Variants in TRAK1 observed in about 807,000 individuals in gnomAD.
The protein encoded by TRAK1 is trafficking kinesin protein 1, also known as trafficking kinesin-binding protein 1.
Under a neutral mutation model 92.1 loss-of-function variants are expected in TRAK1, and 33 were observed. The observed-to-expected ratio is 0.36, with a 90% CI of 0.27 to 0.48. The LOEUF is 0.48. Among genes scored for constraint, TRAK1 ranks in the 20% least tolerant of loss-of-function variants. The pLI is 0.99. For synonymous variants in TRAK1, 521 were observed against 517.3 expected, an observed-to-expected ratio of 1.01 and a Z score of -0.10; for missense variants, 1,123 against 1,257.9, an observed-to-expected ratio of 0.89 and a Z score of 1.62.
At chr3:42,145,526 C>A in intron 2 of TRAK1, 1 of 151,012 alleles carries the variant, frequency 6.6e-6, no homozygotes. Flanking sequence ...GAACAAAGAT[C>A]TTTGATATGA....
At chr3:42,074,171 C>T (rs990754492) in intron 1 of TRAK1, among the ~76,000 whole-genome samples, 2 of 152,226 alleles carry the variant, frequency 1.3e-5, no homozygotes, top group East Asian at 1.9e-4. Context: ...AAGCTAGACT[C>T]GCATCCTAGG....
At chr3:42,185,973 C>CTTTTTTTTTTTTTTTTT (rs1054954407) in intron 4 of TRAK1, among the ~76,000 whole-genome samples, 1 of 83,964 alleles carries the variant, frequency 1.2e-5, no homozygotes, top group African/African-American at 5.4e-5. Context: ...TGTGCCCAGC[C>CTTTTTTTTTTTTTTTTT]TTTTTTTTTT....
At chr3:42,060,636 T>G (rs1703391774) in intron 1 of TRAK1, among the ~76,000 whole-genome samples, 3 of 150,586 alleles carry the variant, frequency 2.0e-5, no homozygotes, top group Non-Finnish European at 4.4e-5. Flanking sequence ...TTTTTTTTTT[T>G]TTTTTTTTGA....
chr3:42,180,096 GT>G lies in TRAK1; in HGVS notation c.363+3213del, dbSNP rs1303242096. On this transcript the variant is annotated intron_variant, in intron 3 of 15. Transcript: ENST00000327628. ...CATATTTTGGCTAGAGAAATGGGAG[GT>G]TTTTTTCATTCTTATAATTCTCAAA... is the stretch of plus-strand genomic sequence containing the variant. Among the ~76,000 whole-genome samples the G allele has an allele frequency of 3.9e-5, 6 of 151,938 alleles. No individual in the cohort carries two copies. In the East Asian group the frequency reaches 7.7e-4, roughly 20 times the overall value.
At chr3:42,070,342 A>G (rs1703883510) in intron 1 of TRAK1, among the ~76,000 whole-genome samples, 1 of 150,866 alleles carries the variant, frequency 6.6e-6, no homozygotes, top group Non-Finnish European at 1.5e-5. Context: ...AGATAACATG[A>G]TAGTATCTCA....
At chr3:42,112,252 A>G (rs1293191796) in intron 1 of TRAK1, among the ~76,000 whole-genome samples, 1 of 144,196 alleles carries the variant, frequency 6.9e-6, no homozygotes, top group African/African-American at 2.6e-5. Context: ...AGAGTTCGAT[A>G]CTAGCCTGGC....
At chr3:42,163,049 G>A (rs115921095) in intron 2 of TRAK1, among the ~76,000 whole-genome samples, 2,131 of 152,288 alleles carry the variant, frequency 0.014, 25 homozygotes, top group Non-Finnish European at 0.022. Context: ...GTGGATTCAT[G>A]CATTGAACCT....
In TRAK1 at chr3:42,200,870, C is replaced by G; in HGVS notation, c.1243C>G (p.Gln415Glu). The change falls in exon 12 of 16, where the codon CAG (glutamine) becomes GAG (glutamate). Residue 415 changes from glutamine (Q) to glutamate (E), a missense_variant. Transcript: ENST00000327628. The part of the protein sequence containing the change: ...TVRNINQVVK[Q>E]RSLTPSPMNI... ...AAGAAACATCAACCAGGTTGTCAAG[C>G]AGAGATCTCTGACCCCTTCTCCCAT... The G allele has an allele frequency of 1.2e-6, 2 of 1,614,202 alleles. No homozygotes were observed. The highest frequency in any genetic ancestry group is 1.7e-6 in the Non-Finnish European group (2 of 1,180,036).
intron 1 of TRAK1, among the ~76,000 whole-genome samples, chr3:42,061,241 G>A (rs957312390): frequency 6.6e-6 from 1 of 151,190 alleles, no homozygotes; most frequent in Non-Finnish European, 1.5e-5. Context: ...CAAGTGATGG[G>A]TGTGTGTCTA....
At chr3:42,180,611 T>A (rs1703864217) in intron 3 of TRAK1, among the ~76,000 whole-genome samples, 2 of 147,790 alleles carry the variant, frequency 1.4e-5, no homozygotes, top group South Asian at 4.2e-4. Flanking sequence ...CCCAGGAGTT[T>A]GAGGCTATGG....
chr3:42,112,912 AGG>A (rs1484515383), intron 1 of TRAK1, among the ~76,000 whole-genome samples: 1 of 152,042 alleles, frequency 6.6e-6, no homozygotes, highest in African/African-American at 2.4e-5. Context: ...CTGGGGCTAC[AGG>A]TGTGTGCCAC....
intron 15 of TRAK1, among the ~76,000 whole-genome samples, chr3:42,220,026 C>T (rs755492162): frequency 1.3e-5 from 2 of 152,032 alleles, no homozygotes; most frequent in Non-Finnish European, 2.9e-5. Flanking sequence ...CTAGGCCGCT[C>T]CTTAACCAGC....
chr3:42,051,147 G>C (rs1325760263), intron 1 of TRAK1: 1 of 152,252 alleles, frequency 6.6e-6, no homozygotes, highest in Non-Finnish European at 1.5e-5. Context: ...GGGATTATGG[G>C]CTTGAGCTGC....
At chr3:42,199,874 A>T (rs918246098) in intron 11 of TRAK1, among the ~76,000 whole-genome samples, 2 of 152,376 alleles carry the variant, frequency 1.3e-5, no homozygotes, top group East Asian at 3.9e-4. Flanking sequence ...TTGTCTTGAT[A>T]TAGCTACACG....
intron 1 of TRAK1, among the ~76,000 whole-genome samples, chr3:42,041,085 T>C (rs1479302076): frequency 6.6e-6 from 1 of 151,088 alleles, no homozygotes; most frequent in Non-Finnish European, 1.5e-5. Context: ...TTGGCTATTC[T>C]AGTTTCCTTA....
chr3:42,061,280 C>T (rs1395577897), intron 1 of TRAK1, among the ~76,000 whole-genome samples: 1 of 150,416 alleles, frequency 6.6e-6, no homozygotes, highest in Non-Finnish European at 1.5e-5. Flanking sequence ...TGCACACACC[C>T]ACCCACACAC....
chr3:42,151,375 T>G, intron 2 of TRAK1: 1 of 456,668 alleles, frequency 2.2e-6, no homozygotes, highest in Non-Finnish European at 4.4e-6. Flanking sequence ...GAGACCCTGA[T>G]CTGTCTTCCT....
chr3:42,127,307 C>T (rs1710701346), intron 2 of TRAK1, among the ~76,000 whole-genome samples: 2 of 151,300 alleles, frequency 1.3e-5, no homozygotes, highest in Non-Finnish European at 2.9e-5. Context: ...CCTATCATGG[C>T]CATTTCTCTC....
At chr3:42,197,606 G>A (rs1706938931) in intron 10 of TRAK1, among the ~76,000 whole-genome samples, 1 of 152,172 alleles carries the variant, frequency 6.6e-6, no homozygotes, top group African/African-American at 2.4e-5. Context: ...GTGAATAACA[G>A]TATTAAAAAA....
Sources: allele counts gnomAD v4.1 joint callset (sites outside exome capture counted in the v4.1 genomes callset), GRCh38; gene constraint gnomAD v4.1.1; transcripts MANE v1.5; gene names NCBI Gene and HGNC (gene_info 2026-07-23, HGNC 2026-07-21).